Variants in TXNRD1 observed in about 807,000 individuals in gnomAD.
The protein encoded by TXNRD1 is thioredoxin reductase 1.
TXNRD1 carries 57 observed loss-of-function variants against 80.3 expected under a neutral mutation model. The ratio of observed to expected loss-of-function variants is 0.71; its 90% confidence interval spans 0.57 to 0.89. The LOEUF (loss-of-function observed/expected upper bound fraction) is 0.89, where lower values mean the gene tolerates loss of function less well. Among genes scored for constraint, TXNRD1 ranks in the 40% least tolerant of loss-of-function variants. TXNRD1 has a pLI of 0.00. For missense variants in TXNRD1, 730 were observed against 803.0 expected (o/e 0.91, Z 1.10); for synonymous variants, 291 against 285.2 (o/e 1.02, Z -0.20).
chr12:104,319,155 CACTGTGACCCAG>C (rs2035439730), intron 8 of TXNRD1, 100 bp downstream of exon 8: 3 of 1,336,434 alleles, frequency 2.2e-6, no homozygotes, highest in African/African-American at 3.0e-5. Flanking sequence ...AAGTAATAGC[CACTGTGACCCAG>C]ACTATCCAGT....
chr12:104,261,297 G>A (rs967358439), intron 3 of TXNRD1, among the ~76,000 whole-genome samples: 2 of 152,032 alleles, frequency 1.3e-5, no homozygotes, highest in Non-Finnish European at 2.9e-5. Context: ...CAGAGTAGCT[G>A]GGATCACAGG....
intron 13 of TXNRD1, among the ~76,000 whole-genome samples, chr12:104,329,451 C>G (rs781462922): frequency 3.9e-5 from 6 of 151,932 alleles, no homozygotes; most frequent in Non-Finnish European, 4.4e-5. Flanking sequence ...AATTCGAAAC[C>G]AGCCTGGGCA....
rs2032195379 is a variant in TXNRD1, at chr12:104,215,899, A to T, written c.91+6A>T. The T allele has an allele frequency of 1.3e-6, 2 of 1,550,840 alleles. No homozygotes were observed. Among genetic ancestry groups the T allele is most frequent in the Admixed American group, 2.0e-5 (1 of 51,018 alleles). On this transcript the variant is annotated splice_donor_region_variant and intron_variant, in intron 1 of 16. Transcript: ENST00000525566. The stretch of plus-strand genomic sequence containing the variant: ...CGATGGCCGCCGTAGGTCAGGTACG[A>T]CCGAGGGCGAAGGCCTGGTCCCCAG...
chr12:104,304,409 A>G, intron 4 of TXNRD1: 6 of 1,614,042 alleles, frequency 3.7e-6, no homozygotes, highest in Non-Finnish European at 5.1e-6. Context: ...AAAGGAAGCA[A>G]CATCCTGGAT....
At chr12:104,263,516 C>T (rs1418814138) in intron 3 of TXNRD1, among the ~76,000 whole-genome samples, 1 of 152,188 alleles carries the variant, frequency 6.6e-6, no homozygotes, top group Non-Finnish European at 1.5e-5. Context: ...CACATCTTGG[C>T]TATCCCTGTG....
chr12:104,314,738 C>CTTTTTTTTTTTTTTTT (rs11330431), intron 6 of TXNRD1, among the ~76,000 whole-genome samples: 4 of 103,666 alleles, frequency 3.9e-5, no homozygotes, highest in Admixed American at 1.0e-4. Flanking sequence ...AAATTTTTTT[C>CTTTTTTTTTTTTTTTT]TTTTTTTTTT....
chr12:104,220,383 A>T lies in TXNRD1; in HGVS notation c.91+4490A>T, dbSNP rs1199882012. ...TCACATTTGAATGTTTACTCTTTGT[A>T]TTAATGTGTACTGAGTATTTAAAGC... On this transcript the variant is annotated intron_variant, in intron 1 of 16. Coordinates refer to ENST00000525566, the MANE Select transcript of TXNRD1 (RefSeq NM_001093771.3). Among the ~76,000 whole-genome samples, 4 of 152,202 alleles carry T rather than the reference A, an allele frequency of 2.6e-5. No individual in the cohort carries two copies. In the East Asian group the frequency reaches 5.8e-4, roughly 22 times the overall value.
chr12:104,225,209 T>G (rs890229026), intron 1 of TXNRD1, among the ~76,000 whole-genome samples: 12 of 152,208 alleles, frequency 7.9e-5, no homozygotes, highest in Admixed American at 2.0e-4. Flanking sequence ...GAATGCTTAT[T>G]ATGATCCAGG....
intron 15 of TXNRD1, among the ~76,000 whole-genome samples, chr12:104,335,197 GTCC>G (rs1207155967): frequency 1.5e-4 from 17 of 114,600 alleles, no homozygotes; most frequent in Non-Finnish European, 2.5e-4. Flanking sequence ...ATATATTACA[GTCC>G]TTTTTTTTTT....
intron 2 of TXNRD1, among the ~76,000 whole-genome samples, chr12:104,253,692 G>GT (rs993365928): frequency 4.6e-5 from 7 of 151,644 alleles, no homozygotes; most frequent in African/African-American, 9.7e-5. Flanking sequence ...CTTATTGAGG[G>GT]TTTTTTTGTT....
chr12:104,265,297 G>T, intron 3 of TXNRD1: 1 of 1,593,460 alleles, frequency 6.3e-7, no homozygotes, highest in Non-Finnish European at 8.5e-7. Flanking sequence ...CGGCGAACGC[G>T]GAGAGCACGC....
intron 4 of TXNRD1, among the ~76,000 whole-genome samples, chr12:104,308,564 T>G (rs553913465): frequency 6.6e-6 from 1 of 152,294 alleles, no homozygotes; most frequent in South Asian, 2.1e-4. Flanking sequence ...ATTTCTAATA[T>G]AGTAAATAGA....
At chr12:104,265,296 C>A (rs1391366193) in intron 3 of TXNRD1, 2 of 1,591,174 alleles carry the variant, frequency 1.3e-6, no homozygotes, top group Non-Finnish European at 1.7e-6. Context: ...GCGGCGAACG[C>A]GGAGAGCACG....
chr12:104,337,986 A>G (rs1364799355), intron 15 of TXNRD1, among the ~76,000 whole-genome samples: 1 of 137,896 alleles, frequency 7.3e-6, no homozygotes, highest in Non-Finnish European at 1.6e-5. Flanking sequence ...CTGTAGGGAC[A>G]GAGTCTCCCT....
At chr12:104,321,689 C>A (rs2035536523) in intron 10 of TXNRD1, among the ~76,000 whole-genome samples, 1 of 152,148 alleles carries the variant, frequency 6.6e-6, no homozygotes, top group Non-Finnish European at 1.5e-5. Context: ...TCCCTGGCTC[C>A]CCACAGGACA....
Position 104,318,799 on chromosome 12 carries a change from T to C in TXNRD1, c.731-114T>C, listed in dbSNP as rs1015645911. The C allele has an allele frequency of 3.7e-6, 4 of 1,093,892 alleles. No homozygotes were observed. The African/African-American group carries it at 6.3e-5, about 17-fold the overall frequency. The allele number at this position is 1,093,892 out of a possible 1,614,324, so 67.8% of individuals were successfully genotyped here. A position where few individuals can be genotyped will look rare whatever the true frequency, so the allele number is the denominator to read the frequency against. On this transcript the variant is annotated intron_variant, in intron 7 of 16. Coordinates refer to ENST00000525566, the MANE Select transcript of TXNRD1 (RefSeq NM_001093771.3). ...TGCTCAAAATGGAGGATTTGCCCTT[T>C]CAGATTGCCTTTTAGAGCTCTGCTC...
intron 4 of TXNRD1, chr12:104,304,373 G>A (rs1448932653): frequency 6.2e-7 from 1 of 1,614,044 alleles, no homozygotes. Context: ...TGATAGCATA[G>A]CTCTTTCCTT....
At chr12:104,265,174 C>G (rs1300698883) in intron 3 of TXNRD1, 8 of 798,684 alleles carry the variant, frequency 1.0e-5, no homozygotes, top group Non-Finnish European at 1.2e-5. Flanking sequence ...ATCGCTTGAA[C>G]CCGGGAGGTG....
chr12:104,233,180 C>T (rs2032661444), intron 1 of TXNRD1, among the ~76,000 whole-genome samples: 1 of 152,160 alleles, frequency 6.6e-6, no homozygotes, highest in African/African-American at 2.4e-5. Flanking sequence ...TACTTATTCC[C>T]TTACTATATT....
Sources: allele counts gnomAD v4.1 joint callset (sites outside exome capture counted in the v4.1 genomes callset), GRCh38; gene constraint gnomAD v4.1.1; transcripts MANE v1.5; gene names NCBI Gene and HGNC (gene_info 2026-07-23, HGNC 2026-07-21).